The following ANKS1A variants were observed in gnomAD, a reference collection of about 807,000 sequenced individuals.
ANKS1A encodes the protein ankyrin repeat and SAM domain-containing protein 1A.
ANKS1A carries 55 observed loss-of-function variants against 120.3 expected under a neutral mutation model. The ratio of observed to expected loss-of-function variants is 0.46; its 90% confidence interval spans 0.37 to 0.57. The LOEUF (loss-of-function observed/expected upper bound fraction) is 0.57, where lower values mean the gene tolerates loss of function less well. Ranked by LOEUF, ANKS1A falls within the 20% of genes least tolerant of loss-of-function variation. The pLI is 0.00. For synonymous variants in ANKS1A, 590 were observed against 604.7 expected, an observed-to-expected ratio of 0.98 and a Z score of 0.36; for missense variants, 1,123 against 1,480.3, an observed-to-expected ratio of 0.76 and a Z score of 3.96.
chr6:35,032,712 C>T (rs1210751709), intron 11 of ANKS1A, among the ~76,000 whole-genome samples: 1 of 152,158 alleles, frequency 6.6e-6, no homozygotes, highest in Non-Finnish European at 1.5e-5. Context: ...TCTCCTTCAC[C>T]TCACCCTTAA....
At chr6:35,067,275 C>A (rs1382047783) in intron 13 of ANKS1A, among the ~76,000 whole-genome samples, 1 of 152,138 alleles carries the variant, frequency 6.6e-6, no homozygotes, top group East Asian at 1.9e-4. Context: ...ACAGCAGATG[C>A]CCTGGGACTG....
chr6:35,031,808 TG>T (rs751989995), intron 11 of ANKS1A, among the ~76,000 whole-genome samples: 169 of 152,354 alleles, frequency 1.1e-3, no homozygotes, highest in Non-Finnish European at 2.1e-3. Context: ...CACCAGAGAA[TG>T]AGCCCATGGC....
chr6:35,092,000 C>T (rs573381344), downstream of ANKS1A, among the ~76,000 whole-genome samples: 1 of 152,318 alleles, frequency 6.6e-6, no homozygotes, highest in African/African-American at 2.4e-5. Flanking sequence ...CATAGCGGCC[C>T]CTTCACTGAT....
intron 13 of ANKS1A, among the ~76,000 whole-genome samples, chr6:35,061,150 C>T (rs1302115081): frequency 6.6e-6 from 1 of 152,170 alleles, no homozygotes; most frequent in African/African-American, 2.4e-5. Flanking sequence ...TAATCCATTG[C>T]CCAGATGAAG....
At chr6:34,898,918 G>A (rs987845752) in intron 1 of ANKS1A, among the ~76,000 whole-genome samples, 5 of 151,976 alleles carry the variant, frequency 3.3e-5, no homozygotes, top group Admixed American at 6.6e-5. Context: ...TTTGTTTTTC[G>A]TTTTTTGCTA....
chr6:34,937,327 T>TA (rs1561858706), intron 1 of ANKS1A, among the ~76,000 whole-genome samples: 58 of 151,362 alleles, frequency 3.8e-4, no homozygotes, highest in African/African-American at 1.4e-3. Context: ...ATATATATAT[T>TA]TTTTTAAAAA....
chr6:35,041,939 T>G (rs1280472717), intron 11 of ANKS1A, among the ~76,000 whole-genome samples: 3 of 152,136 alleles, frequency 2.0e-5, no homozygotes, highest in Admixed American at 2.0e-4. Context: ...ACCTATATGA[T>G]TTAGGAATAC....
intron 16 of ANKS1A, among the ~76,000 whole-genome samples, chr6:35,080,657 T>C (rs707967): frequency 0.39 from 59,550 of 152,120 alleles, 11,949 homozygotes; most frequent in East Asian, 0.61. Flanking sequence ...TGTATTCTGT[T>C]GGGGACGGTG....
At chr6:34,986,475 C>T (rs187741973) in intron 8 of ANKS1A, among the ~76,000 whole-genome samples, 2 of 152,176 alleles carry the variant, frequency 1.3e-5, no homozygotes, top group African/African-American at 2.4e-5. Flanking sequence ...TAGTGCTAAC[C>T]CCATCTGGAG....
At chr6:34,996,613 C>CCT (rs1229684502) in intron 10 of ANKS1A, among the ~76,000 whole-genome samples, 25 of 152,172 alleles carry the variant, frequency 1.6e-4, no homozygotes, top group Admixed American at 3.9e-4. Context: ...GCTGAGTCCA[C>CCT]AGGCGCGTGC....
At chr6:34,946,891 C>T (rs758518979) in intron 1 of ANKS1A, among the ~76,000 whole-genome samples, 1 of 152,052 alleles carries the variant, frequency 6.6e-6, no homozygotes, top group Non-Finnish European at 1.5e-5. Context: ...TCTAGCAGAC[C>T]GTCAATTGAG....
chr6:35,019,143 C>T (rs1774199257), intron 11 of ANKS1A, among the ~76,000 whole-genome samples: 1 of 152,162 alleles, frequency 6.6e-6, no homozygotes, highest in African/African-American at 2.4e-5. Context: ...TCTCGCTGAG[C>T]AGAAGAATGT....
At chr6:34,985,005 T>G in intron 7 of ANKS1A, 77 bp from the exon 8 acceptor site, 1 of 1,415,742 alleles carries the variant, frequency 7.1e-7, no homozygotes, top group African/African-American at 1.4e-5. Context: ...CTAAAGAGGC[T>G]TTGGGTTGCT....
At chr6:35,024,124 C>A (rs541690435) in intron 11 of ANKS1A, among the ~76,000 whole-genome samples, 1 of 152,324 alleles carries the variant, frequency 6.6e-6, no homozygotes, top group African/African-American at 2.4e-5. Flanking sequence ...GAAACCTGTT[C>A]TCCCTTCATC....
Position 34,967,313 on chromosome 6 carries a change from G to A in ANKS1A, c.272G>A (p.Gly91Asp). The A allele has an allele frequency of 6.2e-7, 1 of 1,613,636 alleles. No homozygotes were observed. Among genetic ancestry groups the A allele is most frequent in the Non-Finnish European group, 8.5e-7 (1 of 1,179,894 alleles). Residue 91 changes from glycine (G) to aspartate (D), a missense_variant, in exon 2 of 24, where the codon GGC becomes GAC. Physicochemically the swap from Gly to Asp is moderately conservative, Grantham distance 94 (BLOSUM62 -1). Transcript: ENST00000360359. ...YTPLHHAALN[G>D]HKDVVEVLLR... ...CCCCTGCACCATGCTGCTTTGAATG[G>A]CCATAAGTAAGTATCAATGTACTAC... is the stretch of plus-strand genomic sequence containing the variant.
intron 23 of ANKS1A, among the ~76,000 whole-genome samples, chr6:35,088,181 C>G (rs943259979): frequency 2.6e-5 from 4 of 152,198 alleles, no homozygotes; most frequent in African/African-American, 9.6e-5. Flanking sequence ...AAGGAGAGGC[C>G]GTCCCATCGC....
At chr6:35,028,402 A>G (rs1280612900) in intron 11 of ANKS1A, among the ~76,000 whole-genome samples, 1 of 152,200 alleles carries the variant, frequency 6.6e-6, no homozygotes, top group East Asian at 1.9e-4. Flanking sequence ...CTTGGAGGGA[A>G]TATATAGCTT....
intron 3 of ANKS1A, among the ~76,000 whole-genome samples, chr6:34,973,724 G>A (rs966564978): frequency 1.3e-5 from 2 of 152,204 alleles, no homozygotes; most frequent in Admixed American, 1.3e-4. Flanking sequence ...ACCTAGGAAG[G>A]CCCTGTGGGA....
chr6:34,966,792 G>C lies in ANKS1A; in HGVS notation c.198-447G>C, dbSNP rs1581563155. The stretch of plus-strand genomic sequence containing the variant: ...AATCGTCTCTTGCATCTTAAGACAC[G>C]TCTCCTGGTGCTTTTTTGTCCTTGA... On this transcript the variant is annotated intron_variant, in intron 1 of 23. Coordinates refer to ENST00000360359, the MANE Select transcript of ANKS1A (RefSeq NM_015245.3). Among the ~76,000 whole-genome samples, 4 of 152,116 alleles carry C rather than the reference G, an allele frequency of 2.6e-5. No individual in the cohort carries two copies. The South Asian group carries it at 8.3e-4, about 32-fold the overall frequency.
Sources: gnomAD v4.1 joint callset for allele counts (sites outside exome capture counted in the v4.1 genomes callset) on GRCh38, gnomAD v4.1.1 for gene constraint, MANE v1.5 for transcripts, NCBI Gene and HGNC (gene_info 2026-07-23, HGNC 2026-07-21) for gene names.